Variants in SYNPO2 observed in about 807,000 individuals in gnomAD.
SYNPO2 encodes the protein synaptopodin-2.
In SYNPO2, 56 loss-of-function variants were observed where a neutral mutation model predicts 85.0. The observed-to-expected ratio is 0.66, with a 90% CI of 0.53 to 0.82. SYNPO2 has a LOEUF of 0.82. Among genes scored for constraint, SYNPO2 ranks in the 40% least tolerant of loss-of-function variants. The pLI, the probability that SYNPO2 is intolerant of heterozygous loss-of-function variation, is 0.00. For missense variants in SYNPO2, 1,575 were observed against 1,534.2 expected, an observed-to-expected ratio of 1.03 and a Z score of -0.44; for synonymous variants, 602 against 591.1, an observed-to-expected ratio of 1.02 and a Z score of -0.27.
At chr4:118,922,600 A>G (rs1733575470) in intron 1 of SYNPO2, among the ~76,000 whole-genome samples, 1 of 151,442 alleles carries the variant, frequency 6.6e-6, no homozygotes, top group Non-Finnish European at 1.5e-5. Context: ...CTACTTATAT[A>G]TTCTACTGGA....
chr4:118,960,243 A>G (rs1046435388), intron 1 of SYNPO2, among the ~76,000 whole-genome samples: 1 of 152,182 alleles, frequency 6.6e-6, no homozygotes, highest in Non-Finnish European at 1.5e-5. Flanking sequence ...ACTAGTTTGC[A>G]GTCATTTGTT....
rs566178734 is a variant in SYNPO2 at position 119,054,289 on chromosome 4, C to T, written c.3253-3112C>T. ...CCGTCCACAGACGGTGGTTTGTTAG[C>T]AGCTCAGTTGGCCTCTTGCCTCATT... is the stretch of plus-strand genomic sequence containing the variant. On this transcript the variant is annotated intron_variant, in intron 4 of 4. Transcript: ENST00000307142. Among the ~76,000 whole-genome samples the T allele has an allele frequency of 5.9e-5, 9 of 152,326 alleles. No homozygotes were observed. The South Asian group carries it at 1.9e-3, about 32-fold the overall frequency.
rs544262695 is a variant in SYNPO2, at chr4:118,853,302, G to A, written c.12+2362G>A. 2.6e-5 allele frequency among the ~76,000 whole-genome samples: 4 copies of A among 152,192 alleles called. No individual in the cohort carries two copies. The South Asian group carries it at 8.3e-4, about 32-fold the overall frequency. On this transcript the variant is annotated intron_variant, in intron 1 of 4. Transcript: ENST00000610556. ...ATTGTGAATTTAAACTGCTGTAAGTGTTTCATTATGACCCAGTTTGCCCAA... is the reference window on the plus strand; with the variant it reads ...ATTGTGAATTTAAACTGCTGTAAGTATTTCATTATGACCCAGTTTGCCCAA...
intron 1 of SYNPO2, among the ~76,000 whole-genome samples, chr4:118,872,842 G>A (rs1731828355): frequency 6.6e-6 from 1 of 151,390 alleles, no homozygotes; most frequent in South Asian, 2.1e-4. Flanking sequence ...CCCCTTTTGA[G>A]TCTCCATTAT....
intron 1 of SYNPO2, among the ~76,000 whole-genome samples, chr4:118,879,429 T>G (rs1297000245): frequency 6.6e-6 from 1 of 152,122 alleles, no homozygotes; most frequent in East Asian, 1.9e-4. Context: ...AATTAGCTCA[T>G]GAGGATAGAG....
chr4:118,913,045 C>A (rs1733194213), intron 1 of SYNPO2, among the ~76,000 whole-genome samples: 1 of 152,132 alleles, frequency 6.6e-6, no homozygotes, highest in South Asian at 2.1e-4. Flanking sequence ...TTTTGATATT[C>A]ATTTTAATTC....
chr4:118,995,383 T>G (rs1736550019), intron 1 of SYNPO2, among the ~76,000 whole-genome samples: 1 of 152,212 alleles, frequency 6.6e-6, no homozygotes, highest in African/African-American at 2.4e-5. Flanking sequence ...TATTTACTAT[T>G]TATTGTATAC....
chr4:119,015,924 T>C (rs1449007832), intron 1 of SYNPO2, among the ~76,000 whole-genome samples: 1 of 152,224 alleles, frequency 6.6e-6, no homozygotes, highest in East Asian at 1.9e-4. Context: ...GGCATTTGTA[T>C]TAACTTTGCC....
intron 1 of SYNPO2, among the ~76,000 whole-genome samples, chr4:118,993,493 G>A (rs1275066759): frequency 2.0e-5 from 3 of 152,190 alleles, no homozygotes; most frequent in Non-Finnish European, 4.4e-5. Context: ...GCTTGTTAAT[G>A]TGTCTGTGTG....
intron 4 of SYNPO2, among the ~76,000 whole-genome samples, chr4:119,049,776 A>C (rs769501082): frequency 6.6e-6 from 1 of 152,190 alleles, no homozygotes; most frequent in Non-Finnish European, 1.5e-5. Flanking sequence ...GGTTTATGTT[A>C]AGCTGAGAAA....
intron 1 of SYNPO2, among the ~76,000 whole-genome samples, chr4:118,980,822 G>A (rs775709795): frequency 2.0e-5 from 3 of 152,120 alleles, no homozygotes; most frequent in Non-Finnish European, 4.4e-5. Flanking sequence ...TCATCCTGGT[G>A]GTGGCATGTG....
At chr4:118,894,097 A>G (rs1020169558) in intron 1 of SYNPO2, among the ~76,000 whole-genome samples, 1 of 151,534 alleles carries the variant, frequency 6.6e-6, no homozygotes, top group African/African-American at 2.4e-5. Context: ...CAATCATCTA[A>G]GATTCTTTAC....
chr4:118,852,021 A>G (rs1731428663), intron 1 of SYNPO2, among the ~76,000 whole-genome samples: 1 of 152,230 alleles, frequency 6.6e-6, no homozygotes, highest in African/African-American at 2.4e-5. Flanking sequence ...TAACTGTTAT[A>G]TTAAAATTCA....
At chr4:118,981,636 G>A (rs557837595) in intron 1 of SYNPO2, among the ~76,000 whole-genome samples, 5 of 152,098 alleles carry the variant, frequency 3.3e-5, no homozygotes, top group Non-Finnish European at 7.4e-5. Context: ...GAGGAGCTGA[G>A]GATTGGCCCC....
chr4:119,002,926 A>G (rs1475174929), intron 1 of SYNPO2, among the ~76,000 whole-genome samples: 2 of 152,098 alleles, frequency 1.3e-5, no homozygotes, highest in African/African-American at 4.8e-5. Context: ...CTTGCCTTCA[A>G]TTATAAGAAA....
At chr4:118,963,313 G>A (rs528009101) in intron 1 of SYNPO2, among the ~76,000 whole-genome samples, 14 of 152,042 alleles carry the variant, frequency 9.2e-5, no homozygotes, top group South Asian at 2.1e-4. Context: ...TTCAAAGGTG[G>A]GTTAATTTAA....
chr4:118,955,235 A>C (rs1217519921), intron 1 of SYNPO2, among the ~76,000 whole-genome samples: 1 of 152,114 alleles, frequency 6.6e-6, no homozygotes, highest in African/African-American at 2.4e-5. Context: ...CCTGGCCTCA[A>C]GTAATCCACC....
intron 1 of SYNPO2, among the ~76,000 whole-genome samples, chr4:118,959,067 A>T (rs1734980408): frequency 6.6e-6 from 1 of 152,230 alleles, no homozygotes; most frequent in African/African-American, 2.4e-5. Flanking sequence ...AGTAAAGGCA[A>T]CATGTATTGA....
At chr4:118,869,897 T>C (rs961622121) in intron 1 of SYNPO2, among the ~76,000 whole-genome samples, 5 of 152,204 alleles carry the variant, frequency 3.3e-5, no homozygotes, top group African/African-American at 1.2e-4. Context: ...GATGGTTCTG[T>C]GAGAAACCTA....
Sources: allele counts gnomAD v4.1 joint callset (sites outside exome capture counted in the v4.1 genomes callset), GRCh38; gene constraint gnomAD v4.1.1; transcripts MANE v1.5; gene names NCBI Gene and HGNC (gene_info 2026-07-23, HGNC 2026-07-21).